EXOSC1: variants seen among roughly 807,000 people sequenced by gnomAD.
The protein encoded by EXOSC1 is exosome complex component CSL4.
A neutral mutation model predicts 31.4 loss-of-function variants in EXOSC1; 27 were observed. The observed-to-expected ratio is 0.86, with a 90% CI of 0.63 to 1.18. The LOEUF (loss-of-function observed/expected upper bound fraction) is 1.18. EXOSC1 is among the 50% of genes most tolerant of loss of function. The pLI, the probability that EXOSC1 is intolerant of heterozygous loss-of-function variation, is 0.00. For synonymous variants in EXOSC1, 84 were observed against 89.5 expected (o/e 0.94, Z 0.35); for missense variants, 228 against 250.3 (o/e 0.91, Z 0.60).
At position 97,445,959 on chromosome 10, in the gene EXOSC1, G is replaced by A. The variant is rs533391461; in HGVS notation, c.27C>T (p.Ile9=). 13 of 1,614,096 alleles carry A rather than the reference G, an allele frequency of 8.1e-6. No homozygotes were observed. In the Admixed American group the frequency reaches 8.3e-5, roughly 10 times the overall value. The change falls in exon 1 of 8, where the codon ATC becomes ATT. Residue 9 remains isoleucine, a synonymous_variant. Transcript: ENST00000370902. ...GTACGGGAAGCGCTCACTTACCGGGGATGCAGTATCTCACAGGTGGCGCCA... is the reference window on the plus strand; with the variant it reads ...GTACGGGAAGCGCTCACTTACCGGGAATGCAGTATCTCACAGGTGGCGCCA... The part of the protein sequence containing the change: MAPPVRYC[I]PGERLCNLEE...
intron 5 of EXOSC1, 83 bp downstream of exon 5, chr10:97,438,587 G>C: frequency 1.5e-6 from 2 of 1,300,432 alleles, no homozygotes; most frequent in Non-Finnish European, 2.2e-6. Context: ...TTACGGGTGT[G>C]TGTGACCATG....
intron 3 of EXOSC1, among the ~76,000 whole-genome samples, chr10:97,442,229 GAAAAAGA>G (rs1158046456): frequency 3.3e-5 from 5 of 151,340 alleles, no homozygotes; most frequent in African/African-American, 1.2e-4. Flanking sequence ...CTTCTCTGCA[GAAAAAGA>G]ACTCAGCTTC....
chr10:97,437,564 T>A (rs1166848786), intron 6 of EXOSC1, 136 bp downstream of exon 6: 13 of 770,164 alleles, frequency 1.7e-5, no homozygotes, highest in Non-Finnish European at 2.9e-5. Context: ...TCCAGGCTGG[T>A]CTCGAACTCC....
At position 97,436,448 on chromosome 10, in the gene EXOSC1, G is replaced by C; in HGVS notation, c.585C>G (p.Thr195=). Residue 195 remains threonine (T), a synonymous_variant, in exon 8 of 8, where the codon ACC becomes ACG. Transcript: ENST00000370902. Reference sequence around the variant, plus strand: ...CCATAGGGTAAAAAGTGGCTTCTTAGGTCTGCAAGAATTCGGGTTGTACTC... The same window carrying C: ...CCATAGGGTAAAAAGTGGCTTCTTACGTCTGCAAGAATTCGGGTTGTACTC... ...VARVQPEFLQ[T] is the part of the protein sequence containing the mutation. 1 of 1,610,660 alleles carries C rather than the reference G, an allele frequency of 6.2e-7. No individual in the cohort carries two copies. The highest frequency in any genetic ancestry group is 1.3e-5 in the African/African-American group (1 of 74,956).
At chr10:97,442,646 C>T (rs747961975) in intron 3 of EXOSC1, among the ~76,000 whole-genome samples, 4 of 152,144 alleles carry the variant, frequency 2.6e-5, no homozygotes, top group Non-Finnish European at 5.9e-5. Flanking sequence ...GTAGTTGGGA[C>T]CACAAGCATG....
intron 4 of EXOSC1, among the ~76,000 whole-genome samples, chr10:97,439,886 C>T (rs1845660809): frequency 6.6e-6 from 1 of 152,078 alleles, no homozygotes; most frequent in African/African-American, 2.4e-5. Flanking sequence ...AAATCACCAT[C>T]TCACCCACAA....
At chr10:97,441,409 A>G (rs1171455128) in intron 3 of EXOSC1, 150 bp from the exon 4 acceptor site, 2 of 583,618 alleles carry the variant, frequency 3.4e-6, no homozygotes, top group African/African-American at 3.8e-5. Context: ...CTCTCTGCGT[A>G]AGTGACACAT....
Position 97,436,203 on chromosome 10 carries a change from G to A in EXOSC1, c.*242C>T, listed in dbSNP as rs1845528555. 2.5e-6 allele frequency: 1 copy of A among 407,536 alleles called. No individual in the cohort carries two copies. Among genetic ancestry groups the A allele is most frequent in the Non-Finnish European group, 4.4e-6 (1 of 228,166 alleles). The allele number at this position is 407,536 out of a possible 1,614,324, so 25.2% of individuals were successfully genotyped here. On this transcript the variant is annotated 3_prime_UTR_variant, in exon 8 of 8. Coordinates refer to ENST00000370902, the MANE Select transcript of EXOSC1 (RefSeq NM_016046.5). Reference sequence around the variant, plus strand: ...ATGTATTTATAAGGACTGTCAGGAGGGATAGGCTATTTCCAATATCACAGT... The same window carrying A: ...ATGTATTTATAAGGACTGTCAGGAGAGATAGGCTATTTCCAATATCACAGT...
At chr10:97,443,381 A>G (rs1845776396) in intron 2 of EXOSC1, 70 bp from the exon 3 acceptor site, 1 of 1,325,438 alleles carries the variant, frequency 7.5e-7, no homozygotes, top group South Asian at 1.2e-5. Flanking sequence ...GTGGCTTGAG[A>G]GTAATATAGG....
At chr10:97,445,498 C>T (rs1845918868) in intron 2 of EXOSC1, 1 of 573,652 alleles carries the variant, frequency 1.7e-6, no homozygotes, top group Non-Finnish European at 3.1e-6. Context: ...TTCGCATCTG[C>T]TTTTGTCCCA....
At chr10:97,438,750 A>ATT (rs11316935) in intron 4 of EXOSC1, 47 bp from the exon 5 acceptor site, 3,217 of 993,390 alleles carry the variant, frequency 3.2e-3, no homozygotes, top group African/African-American at 4.9e-3. Flanking sequence ...GTGAGAAAGA[A>ATT]TTTTTTTTTT....
At chr10:97,439,660 A>C (rs1422765656) in intron 4 of EXOSC1, among the ~76,000 whole-genome samples, 1 of 152,214 alleles carries the variant, frequency 6.6e-6, no homozygotes, top group Non-Finnish European at 1.5e-5. Context: ...ACAGAAATAA[A>C]GTGCACCATA....
At chr10:97,437,063 T>C (rs749679458) in intron 7 of EXOSC1, 128 bp downstream of exon 7, 17 of 854,108 alleles carry the variant, frequency 2.0e-5, no homozygotes, top group Non-Finnish European at 3.0e-5. Flanking sequence ...AAAATAATCA[T>C]TCTAATCTCA....
At position 97,436,165 on chromosome 10, in the gene EXOSC1, C is replaced by T. The variant is rs1309678678; in HGVS notation, c.*280G>A. 3.1e-6 allele frequency: 1 copy of T among 322,630 alleles called. No individual in the cohort carries two copies. The highest frequency in any genetic ancestry group is 2.3e-5 in the African/African-American group (1 of 44,248). The allele number at this position is 322,630 out of a possible 1,614,324, so 20.0% of individuals were successfully genotyped here. ...CATCCTTTTAGTAAAAAAGTTTTAT[C>T]ATAGCAAAAAATATGTATTTATAAG... On this transcript the variant is annotated 3_prime_UTR_variant, in exon 8 of 8. Transcript: ENST00000370902.
At chr10:97,443,402 T>A (rs1285377095) in intron 2 of EXOSC1, 91 bp from the exon 3 acceptor site, 2 of 1,131,168 alleles carry the variant, frequency 1.8e-6, no homozygotes, top group Non-Finnish European at 2.6e-6. Flanking sequence ...AATGTCTTGG[T>A]ATAAAGGTGA....
At chr10:97,440,459 C>T (rs1845679857) in intron 4 of EXOSC1, among the ~76,000 whole-genome samples, 1 of 151,278 alleles carries the variant, frequency 6.6e-6, no homozygotes, top group South Asian at 2.1e-4. Flanking sequence ...AGTGATCTTC[C>T]TGCTTCAGCT....
chr10:97,445,388 GGTGGAGATAGTGGC>G (rs1290457446), intron 2 of EXOSC1: 4 of 272,318 alleles, frequency 1.5e-5, no homozygotes, highest in Admixed American at 9.5e-5. Context: ...GCGTCAGTGA[GGTGGAGATAGTGGC>G]GCTAGATAAA....
In EXOSC1 at chr10:97,445,780, G is replaced by A. The variant is rs1224157197; in HGVS notation, c.99C>T (p.Ile33=). 1.2e-6 allele frequency: 2 copies of A among 1,614,066 alleles called. No homozygotes were observed. The highest frequency in any genetic ancestry group is 2.2e-5 in the East Asian group (1 of 44,872). ...GSGTYTRHGY[I]FSSLAGCLMK... The stretch of plus-strand genomic sequence containing the variant: ...TCAGACAGCCGGCAAGCGACGAAAA[G>A]ATGTAGCCGTGGCGGGTGTAGGTGC... Residue 33 remains isoleucine, a synonymous_variant, in exon 2 of 8, where the codon ATC becomes ATT. Transcript: ENST00000370902.
intron 5 of EXOSC1, among the ~76,000 whole-genome samples, chr10:97,438,460 C>T (rs11189221): frequency 0.3 from 45,713 of 151,476 alleles, 7,104 homozygotes; most frequent in East Asian, 0.48. Flanking sequence ...CCATGCCTGG[C>T]CAATTTTTGA....
Sources: gnomAD v4.1 joint callset for allele counts (sites outside exome capture counted in the v4.1 genomes callset) on GRCh38, gnomAD v4.1.1 for gene constraint, MANE v1.5 for transcripts, NCBI Gene and HGNC (gene_info 2026-07-23, HGNC 2026-07-21) for gene names.